Variants in TP63 observed in about 807,000 individuals in gnomAD.
TP63 encodes tumor protein p63.
A neutral mutation model predicts 82.8 loss-of-function variants in TP63; 17 were observed. The ratio of observed to expected loss-of-function variants is 0.21; its 90% CI spans 0.14 to 0.31. TP63 has a LOEUF of 0.31. Among genes scored for constraint, TP63 ranks in the 10% least tolerant of loss-of-function variants. The probability of loss-of-function intolerance (pLI) is 1.00; values close to 1 mark genes in which losing one functional copy is unlikely to be tolerated. For synonymous variants in TP63, 330 were observed against 321.7 expected (o/e 1.03, Z -0.28); for missense variants, 648 against 895.3 (o/e 0.72, Z 3.52).
At chr3:189,862,526 A>G (rs1228946586) in intron 4 of TP63, among the ~76,000 whole-genome samples, 1 of 152,182 alleles carries the variant, frequency 6.6e-6, no homozygotes, top group African/African-American at 2.4e-5. Context: ...CAATCTTTAC[A>G]TACTTGGAAG....
At chr3:189,727,658 C>T (rs538310080) in intron 1 of TP63, among the ~76,000 whole-genome samples, 1 of 152,144 alleles carries the variant, frequency 6.6e-6, no homozygotes, top group South Asian at 2.1e-4. Flanking sequence ...TTTCTATTTC[C>T]CCATAGTCCT....
chr3:189,791,071 T>C (rs765604889), intron 3 of TP63, among the ~76,000 whole-genome samples: 2 of 152,160 alleles, frequency 1.3e-5, no homozygotes, highest in Non-Finnish European at 2.9e-5. Flanking sequence ...TGCAGTTATA[T>C]TGAAAGTTAG....
chr3:189,880,963 G>T, intron 10 of TP63: 1 of 985,406 alleles, frequency 1.0e-6, no homozygotes, highest in Non-Finnish European at 1.2e-6. Flanking sequence ...CCCATAGCAG[G>T]TGAACTCATT....
At chr3:189,891,567 T>TG (rs1431715555) in intron 13 of TP63, among the ~76,000 whole-genome samples, 1 of 152,174 alleles carries the variant, frequency 6.6e-6, no homozygotes, top group Non-Finnish European at 1.5e-5. Context: ...AATGAGAACT[T>TG]GGGGTTATCA....
intron 5 of TP63, among the ~76,000 whole-genome samples, chr3:189,865,324 A>ATT (rs1408653036): frequency 2.6e-5 from 4 of 152,192 alleles, no homozygotes; most frequent in African/African-American, 9.7e-5. Flanking sequence ...CATGAAGGCC[A>ATT]CCTTTAGACG....
intron 1 of TP63, among the ~76,000 whole-genome samples, chr3:189,635,475 T>C (rs1729717956): frequency 6.6e-6 from 1 of 152,100 alleles, no homozygotes; most frequent in Non-Finnish European, 1.5e-5. Flanking sequence ...TGATAATTGC[T>C]TTAACAGGTC....
At chr3:189,833,648 T>G (rs1006777709) in intron 4 of TP63, among the ~76,000 whole-genome samples, 1 of 151,084 alleles carries the variant, frequency 6.6e-6, no homozygotes, top group African/African-American at 2.4e-5. Context: ...AAGAGGAATC[T>G]TATGTCAAGG....
rs748128152 is a variant in TP63 at position 189,738,788 on chromosome 3, G to T, written c.324+14G>T. 1 of 1,613,840 alleles carries T rather than the reference G, an allele frequency of 6.2e-7. No individual in the cohort carries two copies. The highest frequency in any genetic ancestry group is 1.7e-5 in the Admixed American group (1 of 59,988). On this transcript the variant is annotated intron_variant, in intron 3 of 13. Coordinates refer to ENST00000264731, the MANE Select transcript of TP63 (RefSeq NM_003722.5). Reference sequence around the variant, plus strand: ...GACCCCATGTGGGTGAGTGGCACAGGCTTTCTCTTCAGTCTTTGGGCCATG... The same window carrying T: ...GACCCCATGTGGGTGAGTGGCACAGTCTTTCTCTTCAGTCTTTGGGCCATG...
chr3:189,846,405 A>C (rs1243428891), intron 4 of TP63, among the ~76,000 whole-genome samples: 1 of 152,178 alleles, frequency 6.6e-6, no homozygotes, highest in Non-Finnish European at 1.5e-5. Context: ...TATTTAGTTC[A>C]TGTGGATGGC....
At chr3:189,783,393 C>A (rs552810337) in intron 3 of TP63, among the ~76,000 whole-genome samples, 1 of 151,792 alleles carries the variant, frequency 6.6e-6, no homozygotes, top group South Asian at 2.1e-4. Context: ...ATGGTGTCTA[C>A]GTGTAGTTTC....
chr3:189,721,686 C>T (rs1719405189), intron 1 of TP63, among the ~76,000 whole-genome samples: 1 of 152,164 alleles, frequency 6.6e-6, no homozygotes, highest in Non-Finnish European at 1.5e-5. Context: ...CCAGACTTAC[C>T]TCCCTGGGCG....
At chr3:189,783,340 G>C (rs1045831863) in intron 3 of TP63, among the ~76,000 whole-genome samples, 1 of 151,892 alleles carries the variant, frequency 6.6e-6, no homozygotes, top group Non-Finnish European at 1.5e-5. Flanking sequence ...ACACATACTT[G>C]TGTGTAATAT....
intron 3 of TP63, among the ~76,000 whole-genome samples, chr3:189,771,850 T>G (rs1282699094): frequency 6.6e-6 from 1 of 152,204 alleles, no homozygotes; most frequent in Non-Finnish European, 1.5e-5. Flanking sequence ...TAAAATATGT[T>G]GAAAGTTTCC....
intron 1 of TP63, among the ~76,000 whole-genome samples, chr3:189,704,056 T>G (rs947408281): frequency 1.3e-5 from 2 of 152,250 alleles, no homozygotes; most frequent in African/African-American, 4.8e-5. Context: ...GGGTTCACAT[T>G]TGGACAACTA....
At chr3:189,737,615 A>C in intron 1 of TP63, 125 bp from the exon 2 acceptor site, 1 of 1,207,022 alleles carries the variant, frequency 8.3e-7, no homozygotes, top group Non-Finnish European at 1.2e-6. Context: ...AACATGTGCT[A>C]CATATATACC....
the TP63 span, among the ~76,000 whole-genome samples, chr3:189,612,784 A>G: frequency 6.6e-6 from 1 of 152,350 alleles, no homozygotes; most frequent in East Asian, 1.9e-4. Context: ...TCAAATGGAA[A>G]TGAGGAACTT....
the TP63 span, among the ~76,000 whole-genome samples, chr3:189,620,525 A>G: frequency 6.6e-6 from 1 of 151,982 alleles, no homozygotes; most frequent in East Asian, 1.9e-4. Context: ...AACAAAAAAA[A>G]AAAACCTCTC....
At chr3:189,711,438 C>T (rs904599566) in intron 1 of TP63, among the ~76,000 whole-genome samples, 4 of 152,030 alleles carry the variant, frequency 2.6e-5, no homozygotes, top group East Asian at 1.9e-4. Context: ...TCATAGTACC[C>T]GTGTGAGGTG....
Position 189,641,388 on chromosome 3 carries a change from A to G in TP63, c.62+9811A>G, listed in dbSNP as rs536482424. On this transcript the variant is annotated intron_variant, in intron 1 of 13. Coordinates refer to ENST00000264731, the MANE Select transcript of TP63 (RefSeq NM_003722.5). ...ATTCTCAGGTAAAACATACTCAGAT[A>G]AAAGTAATTGTGACTTGCTACTACT... Among the ~76,000 whole-genome samples the G allele has an allele frequency of 2.6e-5, 4 of 152,252 alleles. 1 individual carries two copies. Among genetic ancestry groups the G allele is most frequent in the African/African-American group, 9.6e-5 (4 of 41,578 alleles).
Sources: allele counts gnomAD v4.1 joint callset (sites outside exome capture counted in the v4.1 genomes callset), GRCh38; gene constraint gnomAD v4.1.1; transcripts MANE v1.5; gene names NCBI Gene and HGNC (gene_info 2026-07-23, HGNC 2026-07-21).